The following UPF2 variants were observed in gnomAD, a reference collection of about 807,000 sequenced individuals.
The protein encoded by UPF2 is regulator of nonsense transcripts 2.
Under a neutral mutation model 141.4 loss-of-function variants are expected in UPF2, and 17 were observed. That is an observed-to-expected ratio of 0.12 (90% CI 0.08 to 0.18). The LOEUF is 0.18. UPF2 is among the 10% of genes least tolerant of loss of function. The pLI is 1.00. For missense variants in UPF2, 1,152 were observed against 1,515.9 expected, an observed-to-expected ratio of 0.76 and a Z score of 3.99; for synonymous variants, 540 against 498.0, an observed-to-expected ratio of 1.08 and a Z score of -1.12.
In UPF2 at chr10:12,004,668, C is replaced by T; in HGVS notation, c.1366G>A (p.Gly456Ser). 1 of 1,613,848 alleles carries T rather than the reference C, an allele frequency of 6.2e-7. No individual in the cohort carries two copies. Among genetic ancestry groups the T allele is most frequent in the Non-Finnish European group, 8.5e-7 (1 of 1,179,890 alleles). Residue 456 changes from glycine (G) to serine (S), a missense_variant, in exon 5 of 22, where the codon GGT becomes AGT. By Grantham distance (56) the Gly-to-Ser change is moderately conservative. This residue lies in a region of UPF2 where 739 missense variants were observed against 1,032.2 expected (regional missense o/e 0.72). Coordinates refer to ENST00000357604, the MANE Select transcript of UPF2 (RefSeq NM_015542.4). ...GCATCTTCATCTTCCCATATACCAC[C>T]TTCCAAGTCATATTCTCCAGGTTTA... ...PGKPGEYDLE[G>S]GIWEDEDARN...
chr10:11,959,081 T>A lies in UPF2; in HGVS notation c.2370+90A>T. The A allele has an allele frequency of 7.8e-7, 1 of 1,284,984 alleles. No homozygotes were observed. Among genetic ancestry groups the A allele is most frequent in the Non-Finnish European group, 1.0e-6 (1 of 970,476 alleles). 79.6% of individuals were successfully genotyped at this position (1,284,984 alleles called of 1,614,324 possible). A position where few individuals can be genotyped will look rare whatever the true frequency, so the allele number is the denominator to read the frequency against. ...GAGCTGATTATAAAGGAACTTGAGC[T>A]CTACCCCCACTTCTCCTAGACTCTA... On this transcript the variant is annotated intron_variant, in intron 12 of 21. Transcript: ENST00000357604. The surrounding 1 kb of genome is among the most constrained non-coding windows in gnomAD (Gnocchi z 5.9).
rs1832893368 is a variant in UPF2, at chr10:11,938,861, T to TTG, written c.3379-2150_3379-2149insCA. 1.2e-4 allele frequency among the ~76,000 whole-genome samples: 9 copies of TTG among 72,992 alleles called. No homozygotes were observed. In the South Asian group the frequency reaches 3.7e-3, roughly 30 times the overall value. The allele number at this position is 72,992 out of a possible 152,430, so 47.9% of individuals were successfully genotyped here. A position where few individuals can be genotyped will look rare whatever the true frequency, so the allele number is the denominator to read the frequency against. Reference sequence around the variant, plus strand: ...AAGCAAGTTTTTTTTTTGTTTTTTTTTTTTTTTTTTTTTTTTTTTTTGGAG... The same window carrying TTG: ...AAGCAAGTTTTTTTTTTGTTTTTTTTTGTTTTTTTTTTTTTTTTTTTTTGGAG... On this transcript the variant is annotated intron_variant, in intron 18 of 21. Coordinates refer to ENST00000357604, the MANE Select transcript of UPF2 (RefSeq NM_015542.4).
intron 2 of UPF2, among the ~76,000 whole-genome samples, chr10:12,030,704 A>G (rs755559583): frequency 2.0e-5 from 3 of 150,868 alleles, no homozygotes; most frequent in African/African-American, 4.9e-5. Context: ...TAACATGGTG[A>G]AACGCCATCT....
In UPF2 at chr10:11,959,177, G is replaced by A. The variant is rs141632405; in HGVS notation, c.2364C>T (p.Thr788=). Residue 788 remains threonine, a synonymous_variant, in exon 12 of 22, where the codon ACC becomes ACT. Coordinates refer to ENST00000357604, the MANE Select transcript of UPF2 (RefSeq NM_015542.4). The surrounding 1 kb of genome is among the most constrained non-coding windows in gnomAD (Gnocchi z 5.9). ...ATGATTTCATAAGATTTACCTTCTC[G>A]GTGGTAACCTTAGAGAGATCCTTGT... ...LLYKDLSKVT[T]EKVLRQMRKL... 17 of 1,579,372 alleles carry A rather than the reference G, an allele frequency of 1.1e-5. No homozygotes were observed. The African/African-American group carries it at 1.5e-4, about 14-fold the overall frequency.
At chr10:11,997,890 A>T in intron 7 of UPF2, 133 bp from the exon 8 acceptor site, 1 of 860,778 alleles carries the variant, frequency 1.2e-6, no homozygotes, top group Non-Finnish European at 1.8e-6. Flanking sequence ...TATTGTTAGT[A>T]TCAGGAAAGT....
intron 18 of UPF2, among the ~76,000 whole-genome samples, 195 bp downstream of exon 18, chr10:11,942,470 G>A (rs532665316): frequency 4.7e-4 from 71 of 152,250 alleles, no homozygotes; most frequent in African/African-American, 1.6e-3. Flanking sequence ...CATTTTCACC[G>A]ACTCTACCTC....
chr10:11,999,859 C>G, intron 7 of UPF2, 47 bp downstream of exon 7: 1 of 1,483,714 alleles, frequency 6.7e-7, no homozygotes, highest in Non-Finnish European at 9.4e-7. Flanking sequence ...CAGAGGACTC[C>G]TACAAGGTCC....
intron 1 of UPF2, among the ~76,000 whole-genome samples, chr10:12,037,461 T>C (rs944073105): frequency 1.3e-5 from 2 of 149,770 alleles, no homozygotes; most frequent in African/African-American, 2.5e-5. Flanking sequence ...AGTGGTGTGA[T>C]CTCGGCTCAC....
chr10:11,954,815 A>T (rs1248504384), intron 14 of UPF2, among the ~76,000 whole-genome samples: 15 of 137,784 alleles, frequency 1.1e-4, no homozygotes, highest in Admixed American at 1.4e-4. Context: ...ATTTCTATTT[A>T]AAAAAAAAAA....
At chr10:11,926,916 G>T (rs2131146992) in intron 21 of UPF2, among the ~76,000 whole-genome samples, 2 of 152,292 alleles carry the variant, frequency 1.3e-5, no homozygotes, top group Middle Eastern at 6.8e-3. Flanking sequence ...GTTAAGAAAG[G>T]CTTACCTCTG....
intron 10 of UPF2, among the ~76,000 whole-genome samples, chr10:11,965,692 C>G (rs1833307580): frequency 6.6e-6 from 1 of 152,164 alleles, no homozygotes; most frequent in Non-Finnish European, 1.5e-5. Flanking sequence ...ATCTCCTGAC[C>G]TCATGATCTG....
rs1832895512 is a variant in UPF2 at position 11,938,866 on chromosome 10, T to TTTTTTTTTTTTTG, written c.3379-2155_3379-2154insCAAAAAAAAAAAA. Among the ~76,000 whole-genome samples the TTTTTTTTTTTTTG allele has an allele frequency of 1.2e-4, 11 of 88,670 alleles. 1 individual carries two copies. The South Asian group carries it at 2.3e-3, about 19-fold the overall frequency. 58.2% of individuals were successfully genotyped at this position (88,670 alleles called of 152,430 possible). A position where few individuals can be genotyped will look rare whatever the true frequency, so the allele number is the denominator to read the frequency against. On this transcript the variant is annotated intron_variant, in intron 18 of 21. Transcript: ENST00000357604. The stretch of plus-strand genomic sequence containing the variant: ...AGTTTTTTTTTTGTTTTTTTTTTTT[T>TTTTTTTTTTTTTG]TTTTTTTTTTTTTTTTGGAGACGGA...
rs59440764 is a variant in UPF2, at chr10:12,005,282, C to T, written c.1307-555G>A. 2.0e-4 allele frequency among the ~76,000 whole-genome samples: 31 copies of T among 152,260 alleles called. No individual in the cohort carries two copies. In the East Asian group the frequency reaches 4.8e-3, roughly 24 times the overall value. On this transcript the variant is annotated intron_variant, in intron 4 of 21. Transcript: ENST00000357604. ...GTCAACCTAAAATAATCAAAAAGGT[C>T]AGAATCTAGTTTTAAAGAGAGTTTA...
At chr10:12,037,446 A>G (rs1410624627) in intron 1 of UPF2, among the ~76,000 whole-genome samples, 1 of 137,192 alleles carries the variant, frequency 7.3e-6, no homozygotes, top group East Asian at 2.2e-4. Flanking sequence ...CCTAGGCTGG[A>G]GTGCAGTGGT....
chr10:11,923,463 A>G (rs1408410609), intron 21 of UPF2, among the ~76,000 whole-genome samples: 2 of 151,342 alleles, frequency 1.3e-5, no homozygotes, highest in Non-Finnish European at 2.9e-5. Flanking sequence ...AGGGTGGATC[A>G]TGAGGTCAGG....
rs1237146481 is a variant in UPF2, at chr10:11,992,119, G to T, written c.1844+5553C>A. Among the ~76,000 whole-genome samples, 2 of 151,868 alleles carry T rather than the reference G, an allele frequency of 1.3e-5. No homozygotes were observed. On this transcript the variant is annotated intron_variant, in intron 8 of 21. Transcript: ENST00000357604. The surrounding 1 kb of genome is among the most constrained non-coding windows in gnomAD (Gnocchi z 4.1). ...AGATCGCGCCACTGCACTCCAGCAT[G>T]GGCAATAGAGCAAAACTCAGTCTCA...
intron 9 of UPF2, among the ~76,000 whole-genome samples, chr10:11,972,951 A>G (rs1361600081): frequency 6.6e-6 from 1 of 152,230 alleles, no homozygotes; most frequent in East Asian, 1.9e-4. Context: ...TCCTTGAGGA[A>G]TCGCCACACT....
chr10:11,936,408 A>G lies in UPF2; in HGVS notation c.3546+137T>C, dbSNP rs1335668044. ...AACAAAAACAAAAACAAAAAAAACT[A>G]TATAAGGGAAGAAATTATTCTACCA... On this transcript the variant is annotated intron_variant, in intron 19 of 21. Transcript: ENST00000357604. This position sits in a 1 kb window ranked among gnomAD's most constrained non-coding sequence, Gnocchi z 6.6. 5 of 916,694 alleles carry G rather than the reference A, an allele frequency of 5.5e-6. No homozygotes were observed. In the East Asian group the frequency reaches 1.2e-4, roughly 22 times the overall value. 56.8% of individuals were successfully genotyped at this position (916,694 alleles called of 1,614,324 possible).
rs190848440 is a variant in UPF2 at position 12,014,926 on chromosome 10, G to C, written c.1146-742C>G. ...ACTCACTCAGGCCAGCCCTTATCAA[G>C]GAACTAAGGACATAACCACTCTTCC... On this transcript the variant is annotated intron_variant, in intron 3 of 21. Coordinates refer to ENST00000357604, the MANE Select transcript of UPF2 (RefSeq NM_015542.4). This position sits in a 1 kb window ranked among gnomAD's most constrained non-coding sequence, Gnocchi z 5.0. Among the ~76,000 whole-genome samples, 180 of 152,290 alleles carry C rather than the reference G, an allele frequency of 1.2e-3. No homozygotes were observed. The highest frequency in any genetic ancestry group is 3.9e-3 in the African/African-American group (160 of 41,558).
Sources: gnomAD v4.1 joint callset for allele counts (sites outside exome capture counted in the v4.1 genomes callset) on GRCh38, gnomAD v4.1.1 for gene constraint, gnomAD v4.1.1 regional missense constraint, Gnocchi (gnomAD v3.1) non-coding constraint, MANE v1.5 for transcripts, NCBI Gene and HGNC (gene_info 2026-07-23, HGNC 2026-07-21) for gene names.